Variants in MTUS2 observed in about 807,000 individuals in gnomAD.
MTUS2 encodes microtubule-associated tumor suppressor candidate 2.
MTUS2 carries 40 observed loss-of-function variants against 114.1 expected under a neutral mutation model. The ratio of observed to expected loss-of-function variants is 0.35; its 90% CI spans 0.27 to 0.46. The LOEUF (loss-of-function observed/expected upper bound fraction) is 0.46. MTUS2 is among the 20% of genes least tolerant of loss of function. The pLI is 1.00. For missense variants in MTUS2, 1,679 were observed against 1,705.4 expected (o/e 0.98, Z 0.27); for synonymous variants, 688 against 672.0 (o/e 1.02, Z -0.37).
At chr13:28,990,750 C>T (rs1317524771) in intron 2 of MTUS2, among the ~76,000 whole-genome samples, 1 of 152,216 alleles carries the variant, frequency 6.6e-6, no homozygotes, top group African/African-American at 2.4e-5. Flanking sequence ...AGCGGCAACC[C>T]ACTTGGGTCC....
At chr13:28,961,773 G>A (rs1487239557) in intron 2 of MTUS2, among the ~76,000 whole-genome samples, 1 of 152,116 alleles carries the variant, frequency 6.6e-6, no homozygotes, top group Non-Finnish European at 1.5e-5. Context: ...TTTGGATCAT[G>A]TGAGTTTTTC....
chr13:29,366,593 C>T (rs745873472), intron 8 of MTUS2, among the ~76,000 whole-genome samples: 7 of 152,170 alleles, frequency 4.6e-5, no homozygotes, highest in Non-Finnish European at 7.3e-5. Context: ...TTGATCCCTG[C>T]GGCCCACTCT....
At chr13:29,103,102 C>T (rs1375240127) in intron 5 of MTUS2, among the ~76,000 whole-genome samples, 1 of 152,098 alleles carries the variant, frequency 6.6e-6, no homozygotes, top group Non-Finnish European at 1.5e-5. Flanking sequence ...ACATTATTTT[C>T]ACATAGGATT....
chr13:29,270,664 G>T (rs755960813), intron 5 of MTUS2, among the ~76,000 whole-genome samples: 1 of 152,222 alleles, frequency 6.6e-6, no homozygotes, highest in Non-Finnish European at 1.5e-5. Flanking sequence ...ACCATGCCCC[G>T]AGCATGAGCA....
At chr13:29,389,345 G>GTA (rs59605398) in intron 8 of MTUS2, among the ~76,000 whole-genome samples, 1 of 51,856 alleles carries the variant, frequency 1.9e-5, no homozygotes, top group Non-Finnish European at 3.5e-5. Context: ...ATGTATGCAC[G>GTA]TGTGTGTATA....
chr13:28,901,561 G>C (rs1329816588), intron 2 of MTUS2, among the ~76,000 whole-genome samples: 2 of 152,110 alleles, frequency 1.3e-5, no homozygotes, highest in East Asian at 3.8e-4. Flanking sequence ...TTAGGTTGAG[G>C]TTCTTTCTTA....
Position 29,100,920 on chromosome 13 carries a change from G to A in MTUS2, c.2594G>A (p.Ser865Asn). Residue 865 changes from serine to asparagine, a missense_variant, in exon 5 of 16, where the codon AGC becomes AAC. Around this residue, in one of 3 missense-constraint regions of MTUS2, gnomAD observed 822 missense variants for 899.7 expected, o/e 0.91. Coordinates refer to ENST00000612955, the MANE Select transcript of MTUS2 (RefSeq NM_001033602.4). ...AGCTCCAGCGTCTCCTCAGTCTCCA[G>A]CACCCAGTCCGGGGACAGTGCACAG... is the stretch of plus-strand genomic sequence containing the variant. ...VRSSSVSSVS[S>N]TQSGDSAQPE... 1 of 1,577,238 alleles carries A rather than the reference G, an allele frequency of 6.3e-7. No individual in the cohort carries two copies. The highest frequency in any genetic ancestry group is 8.6e-7 in the Non-Finnish European group (1 of 1,161,180).
chr13:29,305,865 G>T (rs756297904), intron 6 of MTUS2, among the ~76,000 whole-genome samples: 31 of 152,200 alleles, frequency 2.0e-4, no homozygotes, highest in Non-Finnish European at 4.0e-4. Context: ...TATCCTTGAT[G>T]AATATTGATG....
intron 2 of MTUS2, among the ~76,000 whole-genome samples, chr13:28,842,653 T>A (rs558173473): frequency 6.6e-6 from 1 of 152,310 alleles, no homozygotes; most frequent in East Asian, 1.9e-4. Flanking sequence ...AAAGAAGAGA[T>A]CCTTTATGAT....
At chr13:29,397,930 T>A (rs1475266636) in intron 8 of MTUS2, among the ~76,000 whole-genome samples, 1 of 152,226 alleles carries the variant, frequency 6.6e-6, no homozygotes, top group African/African-American at 2.4e-5. Context: ...CACATTTCAA[T>A]CTTTGAACAT....
intron 4 of MTUS2, among the ~76,000 whole-genome samples, chr13:29,085,585 G>C (rs1348817684): frequency 6.6e-6 from 1 of 152,146 alleles, no homozygotes; most frequent in Non-Finnish European, 1.5e-5. Flanking sequence ...ATGGCCTCCA[G>C]CTCCACCCAT....
chr13:29,390,756 G>GTGGTGA (rs1555272993), intron 8 of MTUS2, among the ~76,000 whole-genome samples: 6 of 146,588 alleles, frequency 4.1e-5, no homozygotes, highest in East Asian at 4.1e-4. Flanking sequence ...CCACCAAATG[G>GTGGTGA]TGATGATGAT....
At chr13:29,331,037 T>C (rs1484960019) in intron 7 of MTUS2, among the ~76,000 whole-genome samples, 1 of 152,192 alleles carries the variant, frequency 6.6e-6, no homozygotes, top group African/African-American at 2.4e-5. Context: ...AGTATGGCCA[T>C]TTTCATGATA....
At chr13:28,866,183 G>A (rs1029687254) in intron 2 of MTUS2, among the ~76,000 whole-genome samples, 1 of 152,136 alleles carries the variant, frequency 6.6e-6, no homozygotes, top group Non-Finnish European at 1.5e-5. Flanking sequence ...ATGTGAGCAC[G>A]GAGCTTGTGT....
intron 5 of MTUS2, chr13:29,239,767 T>C (rs1415790412): frequency 6.6e-6 from 1 of 152,190 alleles, no homozygotes; most frequent in Non-Finnish European, 1.5e-5. Context: ...TGCTTTCATT[T>C]TATCCTTACT....
intron 1 of MTUS2, among the ~76,000 whole-genome samples, chr13:28,835,168 T>C (rs1187522078): frequency 4.6e-5 from 7 of 152,168 alleles, no homozygotes; most frequent in African/African-American, 1.7e-4. Context: ...CCTAAGTGTA[T>C]ACTCAAGAGA....
chr13:28,950,009 A>G (rs1222984672), intron 2 of MTUS2, among the ~76,000 whole-genome samples: 1 of 152,210 alleles, frequency 6.6e-6, no homozygotes, highest in African/African-American at 2.4e-5. Context: ...ATTCTATTTT[A>G]AATTTCTTGA....
intron 2 of MTUS2, among the ~76,000 whole-genome samples, chr13:28,878,047 G>C (rs1334879576): frequency 6.6e-6 from 1 of 152,148 alleles, no homozygotes; most frequent in Non-Finnish European, 1.5e-5. Context: ...GAGCGTTTGA[G>C]TAGTGGCTGG....
chr13:29,497,234 G>A lies in MTUS2; in HGVS notation c.3580-4G>A. On this transcript the variant is annotated splice_region_variant and splice_polypyrimidine_tract_variant and intron_variant, in intron 12 of 15. Coordinates refer to ENST00000612955, the MANE Select transcript of MTUS2 (RefSeq NM_001033602.4). The stretch of plus-strand genomic sequence containing the variant: ...AGCTGGACTCCTTGTATCATTACTT[G>A]CAGGACCAGGTGGACACGCTGACCT... 6.2e-7 allele frequency: 1 copy of A among 1,611,916 alleles called. No homozygotes were observed. The highest frequency in any genetic ancestry group is 8.5e-7 in the Non-Finnish European group (1 of 1,179,678).
Sources: gnomAD v4.1 joint callset for allele counts (sites outside exome capture counted in the v4.1 genomes callset) on GRCh38, gnomAD v4.1.1 for gene constraint, gnomAD v4.1.1 regional missense constraint, MANE v1.5 for transcripts, NCBI Gene and HGNC (gene_info 2026-07-23, HGNC 2026-07-21) for gene names.